CMTM4: variants seen among roughly 807,000 people sequenced by gnomAD.
CMTM4 encodes the protein CKLF like MARVEL transmembrane domain containing 4.
CMTM4 carries 8 observed loss-of-function variants against 19.0 expected under a neutral mutation model. The ratio of observed to expected loss-of-function variants is 0.42; its 90% CI spans 0.25 to 0.76. The LOEUF is 0.76. Ranked by LOEUF, CMTM4 falls within the 30% of genes least tolerant of loss-of-function variation. The probability of loss-of-function intolerance (pLI) is 0.27; values close to 1 mark genes in which losing one functional copy is unlikely to be tolerated. For missense variants in CMTM4, 228 were observed against 290.2 expected (o/e 0.79, Z 1.56); for synonymous variants, 106 against 121.1 (o/e 0.88, Z 0.82).
At chr16:66,642,655 G>C (rs930651363) in intron 1 of CMTM4, among the ~76,000 whole-genome samples, 1 of 152,178 alleles carries the variant, frequency 6.6e-6, no homozygotes, top group African/African-American at 2.4e-5. Flanking sequence ...GGTAGAGTTT[G>C]CAATGAGCCG....
At chr16:66,602,144 C>A in the CMTM4 span, among the ~76,000 whole-genome samples, 1 of 152,336 alleles carries the variant, frequency 6.6e-6, no homozygotes, top group East Asian at 1.9e-4. Context: ...CGCCTGTAAT[C>A]CCAAACCTTT....
At chr16:66,639,437 T>C (rs937656694) in intron 1 of CMTM4, among the ~76,000 whole-genome samples, 3 of 152,234 alleles carry the variant, frequency 2.0e-5, no homozygotes, top group Non-Finnish European at 4.4e-5. Flanking sequence ...CAAAAACTCC[T>C]GCTCTTAGCT....
the CMTM4 span, chr16:66,604,872 G>T: frequency 1.4e-6 from 2 of 1,410,816 alleles, no homozygotes; most frequent in South Asian, 3.0e-5. Flanking sequence ...TCCCGGCCCC[G>T]CGGTCCCCGG....
At chr16:66,683,078 T>C (rs1173545490) in intron 1 of CMTM4, among the ~76,000 whole-genome samples, 1 of 146,850 alleles carries the variant, frequency 6.8e-6, no homozygotes, top group African/African-American at 2.5e-5. Flanking sequence ...ATAGTTTCTC[T>C]CCAATATTTT....
rs2015614550 is a variant in CMTM4, at chr16:66,620,647, TG to T, written c.*1410del. ...AAAGCTGTCAACATTTGTCAGCACT[TG>T]ATCTTGGGGATTTCTCCATGTTACT... On this transcript the variant is annotated 3_prime_UTR_variant, in exon 4 of 4. Transcript: ENST00000394106. 1.0e-6 allele frequency: 1 copy of T among 985,780 alleles called. No individual in the cohort carries two copies. The highest frequency in any genetic ancestry group is 1.7e-5 in the African/African-American group (1 of 57,356). 61.1% of individuals were successfully genotyped at this position (985,780 alleles called of 1,614,324 possible).
At chr16:66,631,370 G>C (rs921763987) in intron 2 of CMTM4, among the ~76,000 whole-genome samples, 1 of 151,720 alleles carries the variant, frequency 6.6e-6, no homozygotes, top group African/African-American at 2.4e-5. Flanking sequence ...CCTCTGCCCG[G>C]CCGCCCCTAC....
rs535653752 is a variant in CMTM4 at position 66,640,653 on chromosome 16, G to C, written c.187-4072C>G. 1.8e-4 allele frequency among the ~76,000 whole-genome samples: 28 copies of C among 152,328 alleles called. 1 individual carries two copies. The highest frequency in any genetic ancestry group is 6.5e-4 in the African/African-American group (27 of 41,564). On this transcript the variant is annotated intron_variant, in intron 1 of 3. Transcript: ENST00000394106. ...AGGACAAGGGCAGAAGCCAGGAGGAGAGTGACAAGACCCTTGCAACAATGA... is the reference window on the plus strand; with the variant it reads ...AGGACAAGGGCAGAAGCCAGGAGGACAGTGACAAGACCCTTGCAACAATGA...
chr16:66,696,617 G>GCCGCCC lies in CMTM4; in HGVS notation c.-93_-92insGGGCGG. ...GGGCCGCCGCATCGCCGCCGCCGCCGCCGCCGCCGCCGCCCGACTGACTGC... is the reference window on the plus strand; with the variant it reads ...GGGCCGCCGCATCGCCGCCGCCGCCGCCGCCCCCGCCGCCGCCGCCCGACTGACTGC... On this transcript the variant is annotated 5_prime_UTR_variant, in exon 1 of 4. Coordinates refer to ENST00000394106, the MANE Select transcript of CMTM4 (RefSeq NM_181521.3). The surrounding 1 kb of genome is among the most constrained non-coding windows in gnomAD (Gnocchi z 4.3). The GCCGCCC allele has an allele frequency of 1.4e-6, 1 of 722,866 alleles. No homozygotes were observed. The highest frequency in any genetic ancestry group is 1.7e-6 in the Non-Finnish European group (1 of 592,664). The allele number at this position is 722,866 out of a possible 1,614,324, so 44.8% of individuals were successfully genotyped here.
chr16:66,691,452 G>A (rs2017132977), intron 1 of CMTM4, among the ~76,000 whole-genome samples: 1 of 152,116 alleles, frequency 6.6e-6, no homozygotes, highest in Non-Finnish European at 1.5e-5. Flanking sequence ...TGTAATCTCA[G>A]CACTTTGGGA....
intron 2 of CMTM4, among the ~76,000 whole-genome samples, chr16:66,630,569 A>G (rs1291889887): frequency 2.0e-5 from 3 of 151,914 alleles, no homozygotes; most frequent in African/African-American, 7.2e-5. Flanking sequence ...CCAGCTCCTA[A>G]CCGCGAGTGA....
chr16:66,600,136 G>GGTTTTTTTTTTTTTTTTTTTTTTTTTT, the CMTM4 span, among the ~76,000 whole-genome samples: 1 of 135,154 alleles, frequency 7.4e-6, no homozygotes, highest in African/African-American at 2.9e-5. Flanking sequence ...GTGTGTGTGT[G>GGTTTTTTTTTTTTTTTTTTTTTTTTTT]TTTTTTTTTG....
intron 1 of CMTM4, among the ~76,000 whole-genome samples, 194 bp from the exon 2 acceptor site, chr16:66,636,775 G>A (rs527977829): frequency 2.0e-4 from 31 of 152,232 alleles, no homozygotes; most frequent in African/African-American, 7.5e-4. Context: ...GGGTCTTAAT[G>A]GAAGGATCAA....
chr16:66,664,858 TG>T (rs2016563364), intron 1 of CMTM4, among the ~76,000 whole-genome samples: 1 of 152,138 alleles, frequency 6.6e-6, no homozygotes, highest in African/African-American at 2.4e-5. Flanking sequence ...CAGGACATGG[TG>T]GCTCACACCT....
At chr16:66,611,611 T>C (rs767728512), downstream of CMTM4, among the ~76,000 whole-genome samples, 8 of 151,972 alleles carry the variant, frequency 5.3e-5, no homozygotes, top group African/African-American at 9.7e-5. Flanking sequence ...ACTGGGGTTC[T>C]GAGAGACAGA....
the CMTM4 span, chr16:66,609,649 CGAT>C: frequency 2.6e-6 from 4 of 1,518,610 alleles, no homozygotes; most frequent in South Asian, 1.2e-5. The surrounding 1 kb of genome is among the most constrained non-coding windows in gnomAD (Gnocchi z 4.4). Context: ...ATGTGGGTCC[CGAT>C]GATGATTCCA....
chr16:66,619,556 GC>G lies in CMTM4; in HGVS notation c.*2501del. The G allele has an allele frequency of 2.0e-6, 2 of 985,232 alleles. No homozygotes were observed. The highest frequency in any genetic ancestry group is 2.4e-6 in the Non-Finnish European group (2 of 829,908). The allele number at this position is 985,232 out of a possible 1,614,324, so 61.0% of individuals were successfully genotyped here. On this transcript the variant is annotated 3_prime_UTR_variant, in exon 4 of 4. Coordinates refer to ENST00000394106, the MANE Select transcript of CMTM4 (RefSeq NM_181521.3). ...CAATTTGCCAAGAGGTCATTTTAAG[GC>G]CCCCAGATATCGATTGTCTTCTGTT...
rs549031883 is a variant in CMTM4, at chr16:66,639,468, GT to G, written c.187-2888del. Among the ~76,000 whole-genome samples, 493 of 151,664 alleles carry G rather than the reference GT, an allele frequency of 3.3e-3. 2 individuals are homozygous for G. The highest frequency in any genetic ancestry group is 0.011 in the African/African-American group (461 of 41,358). On this transcript the variant is annotated intron_variant, in intron 1 of 3. Coordinates refer to ENST00000394106, the MANE Select transcript of CMTM4 (RefSeq NM_181521.3). ...TAGCTCACAGTCTAATAAAGGAGTT[GT>G]TTTTTTTTAAATTACATTTAAAAAG...
chr16:66,612,227 G>T (rs2015403378), downstream of CMTM4, among the ~76,000 whole-genome samples: 1 of 152,164 alleles, frequency 6.6e-6, no homozygotes. This position sits in a 1 kb window ranked among gnomAD's most constrained non-coding sequence, Gnocchi z 6.0. Context: ...CCAGCCTGGT[G>T]AAAGCCCATC....
intron 1 of CMTM4, among the ~76,000 whole-genome samples, chr16:66,683,167 A>ATATACG (rs1214532542): frequency 1.4e-3 from 115 of 84,334 alleles, no homozygotes; most frequent in African/African-American, 4.0e-3. Context: ...ATACGTATAT[A>ATATACG]TATATATACA....
Sources: allele counts gnomAD v4.1 joint callset (sites outside exome capture counted in the v4.1 genomes callset), GRCh38; gene constraint gnomAD v4.1.1; non-coding constraint Gnocchi (gnomAD v3.1); transcripts MANE v1.5; gene names NCBI Gene and HGNC (gene_info 2026-07-23, HGNC 2026-07-21).